The following WWOX variants were observed in gnomAD, a reference collection of about 807,000 sequenced individuals.
WWOX encodes the protein WW domain-containing oxidoreductase.
A neutral mutation model predicts 46.2 loss-of-function variants in WWOX; 69 were observed. The observed-to-expected ratio is 1.49, with a 90% confidence interval of 1.23 to 1.82. The LOEUF is 1.82. WWOX is among the 40% of genes most tolerant of loss of function. The pLI is 0.00. For synonymous variants in WWOX, 359 were observed against 202.6 expected (o/e 1.77, Z -6.56); for missense variants, 919 against 542.6 (o/e 1.69, Z -6.89).
chr16:78,263,994 A>ATTTTTTT (rs1597419237), intron 5 of WWOX, among the ~76,000 whole-genome samples: 4 of 41,474 alleles, frequency 9.6e-5, no homozygotes, highest in South Asian at 8.1e-4. Flanking sequence ...TGGCTGTGAA[A>ATTTTTTT]TCTTTTTTTT....
intron 5 of WWOX, among the ~76,000 whole-genome samples, chr16:78,330,541 C>T (rs531613913): frequency 9.2e-5 from 14 of 152,222 alleles, no homozygotes; most frequent in East Asian, 3.9e-4. Context: ...AGACTACAGG[C>T]GCATGCCACC....
chr16:78,676,062 A>G (rs560186812), intron 8 of WWOX, among the ~76,000 whole-genome samples: 46 of 152,172 alleles, frequency 3.0e-4, no homozygotes, highest in African/African-American at 1.1e-3. Flanking sequence ...TAAGAATCTC[A>G]GAGTAATCCA....
chr16:78,586,938 C>G (rs1349005444), intron 8 of WWOX, among the ~76,000 whole-genome samples: 1 of 152,126 alleles, frequency 6.6e-6, no homozygotes, highest in Non-Finnish European at 1.5e-5. Context: ...TTTCTTAACC[C>G]TACAAGATAT....
In WWOX at chr16:78,952,412, T is replaced by C. The variant is rs562744633; in HGVS notation, c.1057-259196T>C. Among the ~76,000 whole-genome samples the C allele has an allele frequency of 2.0e-5, 3 of 150,722 alleles. No homozygotes were observed. In the East Asian group the frequency reaches 5.9e-4, roughly 30 times the overall value. The stretch of plus-strand genomic sequence containing the variant: ...TTTTTTTTTTTTTGAGACAAAAGTC[T>C]CGCTCTGTCCCCCACGCTGGAGTAC... On this transcript the variant is annotated intron_variant, in intron 8 of 8. Coordinates refer to ENST00000566780, the MANE Select transcript of WWOX (RefSeq NM_016373.4).
intron 8 of WWOX, among the ~76,000 whole-genome samples, chr16:78,497,077 A>G (rs952079349): frequency 6.6e-6 from 1 of 152,238 alleles, no homozygotes; most frequent in African/African-American, 2.4e-5. Context: ...CTAAGGCCCA[A>G]GCCGTCTATT....
intron 8 of WWOX, among the ~76,000 whole-genome samples, chr16:78,882,325 T>A (rs1230205286): frequency 6.6e-6 from 1 of 152,148 alleles, no homozygotes; most frequent in Non-Finnish European, 1.5e-5. Context: ...GAAAACAGGT[T>A]CAGAGAAGTT....
At chr16:78,980,812 A>T (rs963199821) in intron 8 of WWOX, among the ~76,000 whole-genome samples, 11 of 152,172 alleles carry the variant, frequency 7.2e-5, no homozygotes, top group African/African-American at 2.7e-4. Context: ...GGAGGAATAG[A>T]TAGGGTTATC....
At chr16:78,770,287 G>T (rs542883243) in intron 8 of WWOX, among the ~76,000 whole-genome samples, 1 of 152,096 alleles carries the variant, frequency 6.6e-6, no homozygotes, top group Non-Finnish European at 1.5e-5. Flanking sequence ...GGAGCCAGCG[G>T]TTGCAGTGAG....
intron 8 of WWOX, among the ~76,000 whole-genome samples, chr16:78,683,171 A>C (rs772957377): frequency 6.6e-6 from 1 of 152,284 alleles, no homozygotes; most frequent in South Asian, 2.1e-4. Flanking sequence ...ACTGAGTGTT[A>C]CTTGGTCTTT....
At chr16:78,651,223 C>T (rs898111072) in intron 8 of WWOX, among the ~76,000 whole-genome samples, 8 of 152,252 alleles carry the variant, frequency 5.3e-5, no homozygotes, top group African/African-American at 1.4e-4. Flanking sequence ...CCCTCTTTCA[C>T]GTGTGTGCAT....
At chr16:78,833,616 A>G (rs1318380786) in intron 8 of WWOX, among the ~76,000 whole-genome samples, 3 of 152,220 alleles carry the variant, frequency 2.0e-5, no homozygotes, top group South Asian at 2.1e-4. Context: ...TTTACTGCAC[A>G]TATGTTCCTT....
chr16:78,978,638 A>G (rs11862444), intron 8 of WWOX, among the ~76,000 whole-genome samples: 2,418 of 152,278 alleles, frequency 0.016, 63 homozygotes, highest in African/African-American at 0.056. Flanking sequence ...CAGGAAACTT[A>G]TAATCATGGC....
intron 8 of WWOX, among the ~76,000 whole-genome samples, chr16:79,180,143 T>C (rs891675048): frequency 6.6e-6 from 1 of 152,052 alleles, no homozygotes. Context: ...GAATCCAGAG[T>C]CTTGGTCACG....
chr16:78,325,015 G>T (rs2080581030), intron 5 of WWOX, among the ~76,000 whole-genome samples: 1 of 152,152 alleles, frequency 6.6e-6, no homozygotes, highest in African/African-American at 2.4e-5. Flanking sequence ...AGCTGCTCAT[G>T]GGCACAAAAA....
intron 1 of WWOX, among the ~76,000 whole-genome samples, chr16:78,103,647 C>A (rs1189872581): frequency 6.6e-6 from 1 of 152,168 alleles, no homozygotes; most frequent in Non-Finnish European, 1.5e-5. Context: ...GCGCTGGCTC[C>A]AACCCCTTTT....
At chr16:78,781,429 C>G (rs1312038895) in intron 8 of WWOX, among the ~76,000 whole-genome samples, 1 of 152,154 alleles carries the variant, frequency 6.6e-6, no homozygotes, top group African/African-American at 2.4e-5. Flanking sequence ...CCACCCTCTA[C>G]CATCCTCACC....
At chr16:78,109,154 C>A (rs193158480) in intron 2 of WWOX, among the ~76,000 whole-genome samples, 1 of 152,066 alleles carries the variant, frequency 6.6e-6, no homozygotes, top group Non-Finnish European at 1.5e-5. Context: ...ACCATGACTT[C>A]TAGGTGATTC....
chr16:78,175,029 T>TAAGAAG (rs67529397), intron 5 of WWOX, among the ~76,000 whole-genome samples: 52 of 129,752 alleles, frequency 4.0e-4, no homozygotes, highest in Non-Finnish European at 7.0e-4. Context: ...ATAATAATAA[T>TAAGAAG]AAGAATCTGA....
intron 8 of WWOX, among the ~76,000 whole-genome samples, chr16:78,495,363 A>G (rs2084890576): frequency 6.6e-6 from 1 of 150,908 alleles, no homozygotes; most frequent in African/African-American, 2.4e-5. Flanking sequence ...CTGGTCTCGA[A>G]CTCTTGACCT....
Sources: allele counts gnomAD v4.1 joint callset (sites outside exome capture counted in the v4.1 genomes callset), GRCh38; gene constraint gnomAD v4.1.1; transcripts MANE v1.5; gene names NCBI Gene and HGNC (gene_info 2026-07-23, HGNC 2026-07-21).